The following CAMTA1 variants were observed in gnomAD, a reference collection of about 807,000 sequenced individuals.
CAMTA1 encodes calmodulin-binding transcription activator 1.
In CAMTA1, 27 loss-of-function variants were observed where a neutral mutation model predicts 170.9. The observed-to-expected ratio is 0.16, with a 90% CI of 0.12 to 0.22. The LOEUF (loss-of-function observed/expected upper bound fraction) is 0.22, where lower values mean the gene tolerates loss of function less well. Among genes scored for constraint, CAMTA1 ranks in the 10% least tolerant of loss-of-function variants. CAMTA1 has a pLI of 1.00. For missense variants in CAMTA1, 1,619 were observed against 2,217.2 expected, an observed-to-expected ratio of 0.73 and a Z score of 5.42; for synonymous variants, 833 against 891.5, an observed-to-expected ratio of 0.93 and a Z score of 1.17.
At chr1:7,651,906 C>G (rs929647653) in intron 7 of CAMTA1, among the ~76,000 whole-genome samples, 1 of 152,258 alleles carries the variant, frequency 6.6e-6, no homozygotes, top group Non-Finnish European at 1.5e-5. Flanking sequence ...TCCCACATAG[C>G]CAGCACAGGG....
In CAMTA1 at chr1:7,249,200, C is replaced by G. The variant is rs143474511; in HGVS notation, c.303-291C>G. Among the ~76,000 whole-genome samples the G allele has an allele frequency of 8.5e-5, 13 of 152,256 alleles. No homozygotes were observed. The highest frequency in any genetic ancestry group is 3.1e-4 in the African/African-American group (13 of 41,536). ...GTTTTGCCTACTTTTCAGTGCAGAG[C>G]TCAGGCCCCCACATCGTATATCCTG... On this transcript the variant is annotated intron_variant, in intron 4 of 22. Coordinates refer to ENST00000303635, the MANE Select transcript of CAMTA1 (RefSeq NM_015215.4). The surrounding 1 kb of genome is among the most constrained non-coding windows in gnomAD (Gnocchi z 4.4).
chr1:6,865,772 C>T (rs79809475), intron 3 of CAMTA1, among the ~76,000 whole-genome samples: 2,579 of 152,132 alleles, frequency 0.017, 35 homozygotes, highest in South Asian at 0.033. Flanking sequence ...GAAAGTGAGA[C>T]CTTAGTTGAA....
chr1:7,236,206 C>T (rs1663824298), intron 4 of CAMTA1, among the ~76,000 whole-genome samples: 2 of 152,096 alleles, frequency 1.3e-5, no homozygotes, highest in African/African-American at 4.8e-5. Flanking sequence ...TTCGGGCTGT[C>T]GCCGTGGCTT....
intron 5 of CAMTA1, among the ~76,000 whole-genome samples, chr1:7,282,507 T>A (rs985839598): frequency 2.0e-5 from 3 of 152,146 alleles, no homozygotes; most frequent in Non-Finnish European, 4.4e-5. Context: ...TCAGCTGAAT[T>A]TCTGGGTAGC....
intron 3 of CAMTA1, among the ~76,000 whole-genome samples, chr1:6,914,541 G>T (rs894371664): frequency 6.6e-6 from 1 of 152,232 alleles, no homozygotes; most frequent in Admixed American, 6.5e-5. Flanking sequence ...GCTATCGGCT[G>T]CCCTAGCTAG....
At position 6,977,331 on chromosome 1, in the gene CAMTA1, C is replaced by CT. The variant is rs376179701; in HGVS notation, c.235-113959dup. Among the ~76,000 whole-genome samples the CT allele has an allele frequency of 2.1e-3, 308 of 143,424 alleles. 5 individuals are homozygous for CT. Among genetic ancestry groups the CT allele is most frequent in the African/African-American group, 6.4e-3 (253 of 39,240 alleles). The allele number at this position is 143,424 out of a possible 152,430, so 94.1% of individuals were successfully genotyped here. ...TGTTGGAGCCAAGTACTGGGCAAAGCTTTTTTTTTTTTTTAATTTGAGAAG... is the reference window on the plus strand; with the variant it reads ...TGTTGGAGCCAAGTACTGGGCAAAGCTTTTTTTTTTTTTTTAATTTGAGAAG... On this transcript the variant is annotated intron_variant, in intron 3 of 22. Coordinates refer to ENST00000303635, the MANE Select transcript of CAMTA1 (RefSeq NM_015215.4).
At chr1:7,654,976 A>C (rs1328494932) in intron 7 of CAMTA1, among the ~76,000 whole-genome samples, 2 of 139,160 alleles carry the variant, frequency 1.4e-5, no homozygotes, top group Non-Finnish European at 3.0e-5. Context: ...ACCTATACAC[A>C]CACACCTATA....
At chr1:6,998,821 T>C (rs1178692664) in intron 3 of CAMTA1, among the ~76,000 whole-genome samples, 3 of 152,274 alleles carry the variant, frequency 2.0e-5, no homozygotes, top group African/African-American at 7.2e-5. Flanking sequence ...CTACCTTTTA[T>C]TGGACATCTA....
chr1:6,902,072 CAA>C (rs1553180442), intron 3 of CAMTA1, among the ~76,000 whole-genome samples: 77 of 88,454 alleles, frequency 8.7e-4, no homozygotes, highest in African/African-American at 1.6e-3. Flanking sequence ...CACACACACA[CAA>C]AAAAAAAAAT....
At chr1:7,731,571 CAAA>C (rs536530455) in intron 11 of CAMTA1, among the ~76,000 whole-genome samples, 8 of 87,012 alleles carry the variant, frequency 9.2e-5, no homozygotes, top group Admixed American at 2.7e-4. Context: ...CACTCTGTCT[CAAA>C]AAAAAAAAAA....
chr1:7,415,268 A>G (rs1286017551), intron 5 of CAMTA1, among the ~76,000 whole-genome samples: 1 of 151,542 alleles, frequency 6.6e-6, no homozygotes, highest in Non-Finnish European at 1.5e-5. Flanking sequence ...GTAGACATCT[A>G]TTAGGTCTGC....
At chr1:6,921,720 T>C (rs1682054094) in intron 3 of CAMTA1, among the ~76,000 whole-genome samples, 1 of 152,192 alleles carries the variant, frequency 6.6e-6, no homozygotes, top group South Asian at 2.1e-4. Context: ...CTTACATGGA[T>C]GGTGGCAGGC....
intron 6 of CAMTA1, among the ~76,000 whole-genome samples, chr1:7,510,931 C>T (rs2094193997): frequency 6.9e-6 from 1 of 145,152 alleles, no homozygotes. Context: ...TGCCTGTCCA[C>T]ATCCTACACC....
At position 7,500,595 on chromosome 1, in the gene CAMTA1, C is replaced by T. The variant is rs1001143312; in HGVS notation, c.510+32694C>T. On this transcript the variant is annotated intron_variant, in intron 6 of 22. Transcript: ENST00000303635. The stretch of plus-strand genomic sequence containing the variant: ...TGCTCCCCTGGGTGGGCCCGTGGGT[C>T]CTGCCCGCTTCTGTAGCAGCAGCAG... Among the ~76,000 whole-genome samples, 12 of 152,262 alleles carry T rather than the reference C, an allele frequency of 7.9e-5. No individual in the cohort carries two copies. In the South Asian group the frequency reaches 2.3e-3, roughly 29 times the overall value.
intron 3 of CAMTA1, among the ~76,000 whole-genome samples, chr1:6,985,626 C>A (rs961264356): frequency 6.6e-6 from 1 of 152,116 alleles, no homozygotes; most frequent in African/African-American, 2.4e-5. Flanking sequence ...GTTAATAGCA[C>A]GAAAATAATT....
At chr1:7,442,470 G>C (rs117577228) in intron 5 of CAMTA1, among the ~76,000 whole-genome samples, 1 of 152,168 alleles carries the variant, frequency 6.6e-6, no homozygotes, top group Admixed American at 6.5e-5. Flanking sequence ...CAGGGAGCAC[G>C]TAGGTTCGCA....
intron 5 of CAMTA1, among the ~76,000 whole-genome samples, chr1:7,389,180 C>T (rs2088397074): frequency 6.6e-6 from 1 of 152,212 alleles, no homozygotes; most frequent in East Asian, 1.9e-4. Context: ...ATCCTCCCAC[C>T]CCCAGCTGTC....
intron 3 of CAMTA1, among the ~76,000 whole-genome samples, chr1:6,904,887 C>T (rs1026457330): frequency 6.6e-6 from 1 of 152,024 alleles, no homozygotes; most frequent in African/African-American, 2.4e-5. Flanking sequence ...GCCGCCACAC[C>T]TGGCCTAAGC....
rs530774023 is a variant in CAMTA1 at position 7,263,021 on chromosome 1, T to G, written c.438+13395T>G. Among the ~76,000 whole-genome samples the G allele has an allele frequency of 7.2e-4, 110 of 152,280 alleles. 1 individual carries two copies. The highest frequency in any genetic ancestry group is 7.2e-3 in the Admixed American group (110 of 15,296). ...TTATTGAAGTAGCTCCCCTCCCAGATTAATGAATACTTTCAGACATGATAT... is the reference window on the plus strand; with the variant it reads ...TTATTGAAGTAGCTCCCCTCCCAGAGTAATGAATACTTTCAGACATGATAT... On this transcript the variant is annotated intron_variant, in intron 5 of 22. Coordinates refer to ENST00000303635, the MANE Select transcript of CAMTA1 (RefSeq NM_015215.4).
Sources: allele counts gnomAD v4.1 joint callset (sites outside exome capture counted in the v4.1 genomes callset), GRCh38; gene constraint gnomAD v4.1.1; non-coding constraint Gnocchi (gnomAD v3.1); transcripts MANE v1.5; gene names NCBI Gene and HGNC (gene_info 2026-07-23, HGNC 2026-07-21).